TNIK: variants seen among roughly 807,000 people sequenced by gnomAD.
The protein encoded by TNIK is TRAF2 and NCK interacting kinase, also known as TRAF2 and NCK-interacting protein kinase.
In TNIK, 49 loss-of-function variants were observed where a neutral mutation model predicts 191.3. That is an observed-to-expected ratio of 0.26 (90% CI 0.20 to 0.32). The LOEUF is 0.32. Ranked by LOEUF, TNIK falls within the 10% of genes least tolerant of loss-of-function variation. The pLI is 1.00. For synonymous variants in TNIK, 594 were observed against 600.9 expected, an observed-to-expected ratio of 0.99 and a Z score of 0.17; for missense variants, 1,155 against 1,702.3, an observed-to-expected ratio of 0.68 and a Z score of 5.66.
rs1288395166 is a variant in TNIK at position 171,156,490 on chromosome 3, A to G, written c.1221+970T>C. Among the ~76,000 whole-genome samples the G allele has an allele frequency of 4.6e-5, 7 of 152,182 alleles. No individual in the cohort carries two copies. The East Asian group carries it at 1.3e-3, about 29-fold the overall frequency. On this transcript the variant is annotated intron_variant, in intron 12 of 32. Coordinates refer to ENST00000436636, the MANE Select transcript of TNIK (RefSeq NM_015028.4). Reference sequence around the variant, plus strand: ...GGGAAACCTGTAAAATTACTATCCCATTACCGTGCAGTTAGTGCGCCTTTC... The same window carrying G: ...GGGAAACCTGTAAAATTACTATCCCGTTACCGTGCAGTTAGTGCGCCTTTC...
chr3:171,410,915 A>C (rs1343051376), intron 1 of TNIK, among the ~76,000 whole-genome samples: 1 of 152,128 alleles, frequency 6.6e-6, no homozygotes, highest in Non-Finnish European at 1.5e-5. Flanking sequence ...CCACTTCTCA[A>C]CAGGAGAATT....
intron 2 of TNIK, among the ~76,000 whole-genome samples, chr3:171,345,686 G>T (rs1168509869): frequency 6.6e-6 from 1 of 152,142 alleles, no homozygotes; most frequent in Admixed American, 6.5e-5. Context: ...TTGGTGAAGG[G>T]CAAGAAGAGG....
intron 1 of TNIK, among the ~76,000 whole-genome samples, chr3:171,375,688 A>G (rs1717115357): frequency 6.6e-6 from 1 of 152,224 alleles, no homozygotes. Context: ...AGAACACTAA[A>G]TAACACCACT....
intron 32 of TNIK, 118 bp downstream of exon 32, chr3:171,066,069 A>G: frequency 7.6e-7 from 1 of 1,323,738 alleles, no homozygotes; most frequent in East Asian, 2.3e-5. Flanking sequence ...TTTCAAGATA[A>G]TATTGATTGT....
intron 2 of TNIK, among the ~76,000 whole-genome samples, chr3:171,346,461 T>A (rs1712209256): frequency 6.6e-6 from 1 of 152,174 alleles, no homozygotes; most frequent in African/African-American, 2.4e-5. Context: ...ATTCTTTAAA[T>A]TATTGAGCAG....
At chr3:171,215,594 A>G (rs1270362909) in intron 3 of TNIK, among the ~76,000 whole-genome samples, 1 of 152,196 alleles carries the variant, frequency 6.6e-6, no homozygotes, top group Non-Finnish European at 1.5e-5. Context: ...GGTGTCCAAA[A>G]CCAAAGTCGT....
At chr3:171,316,157 G>A (rs1045225925) in intron 2 of TNIK, among the ~76,000 whole-genome samples, 2 of 152,070 alleles carry the variant, frequency 1.3e-5, no homozygotes, top group African/African-American at 4.8e-5. Flanking sequence ...AAGACTGTAA[G>A]CTCCCAGAGC....
intron 3 of TNIK, among the ~76,000 whole-genome samples, chr3:171,221,567 C>T (rs1210005263): frequency 1.3e-5 from 2 of 152,126 alleles, no homozygotes; most frequent in East Asian, 3.9e-4. Flanking sequence ...TGCTAAATGT[C>T]TTGTACTAAA....
chr3:171,275,214 CA>C (rs1165298254), intron 2 of TNIK, among the ~76,000 whole-genome samples: 3 of 152,168 alleles, frequency 2.0e-5, no homozygotes, highest in Non-Finnish European at 4.4e-5. Context: ...CCAACTCATT[CA>C]AATATCATAA....
chr3:171,283,113 G>A (rs1750650780), intron 2 of TNIK, among the ~76,000 whole-genome samples: 1 of 150,408 alleles, frequency 6.6e-6, no homozygotes, highest in Non-Finnish European at 1.5e-5. Flanking sequence ...ATTTTCCACA[G>A]TTTCTTGTCA....
chr3:171,369,268 T>C (rs1300710399), intron 2 of TNIK, among the ~76,000 whole-genome samples: 5 of 152,198 alleles, frequency 3.3e-5, no homozygotes, highest in African/African-American at 7.2e-5. Context: ...AATAGTTTAA[T>C]AGCTTAAATT....
chr3:171,074,398 T>C (rs1719624148), intron 28 of TNIK, among the ~76,000 whole-genome samples: 1 of 152,106 alleles, frequency 6.6e-6, no homozygotes, highest in African/African-American at 2.4e-5. Flanking sequence ...AATTTACCTG[T>C]TGCGTATAAT....
chr3:171,241,506 C>A (rs573120221), intron 2 of TNIK, among the ~76,000 whole-genome samples: 17 of 152,226 alleles, frequency 1.1e-4, no homozygotes, highest in Admixed American at 1.1e-3. Context: ...TTTTAAAATT[C>A]TATTTAAATT....
chr3:171,376,234 T>A (rs1489319733), intron 1 of TNIK, among the ~76,000 whole-genome samples: 2 of 152,154 alleles, frequency 1.3e-5, no homozygotes, highest in Admixed American at 1.3e-4. Flanking sequence ...CAACATCATC[T>A]TCGAAAGTAC....
chr3:171,139,118 G>A (rs113856378), intron 14 of TNIK, among the ~76,000 whole-genome samples: 8 of 152,166 alleles, frequency 5.3e-5, no homozygotes, highest in African/African-American at 1.7e-4. Context: ...CCAGCATGTC[G>A]CAAATGGCCT....
chr3:171,303,814 GTGT>G (rs889358960), intron 2 of TNIK, among the ~76,000 whole-genome samples: 9 of 152,168 alleles, frequency 5.9e-5, no homozygotes, highest in African/African-American at 2.2e-4. Context: ...TTTTCTGGTG[GTGT>G]TAAGAAAAAT....
At chr3:171,253,356 C>T (rs555042011) in intron 2 of TNIK, among the ~76,000 whole-genome samples, 30 of 152,098 alleles carry the variant, frequency 2.0e-4, no homozygotes, top group African/African-American at 6.5e-4. Flanking sequence ...CTCTTGCAGC[C>T]TCAGTGAGGT....
intron 2 of TNIK, among the ~76,000 whole-genome samples, chr3:171,351,271 A>ATGTGTGTGTGTGTGTGTGTGTG (rs1335605618): frequency 2.1e-4 from 32 of 150,250 alleles, no homozygotes; most frequent in African/African-American, 7.1e-4. Context: ...ATATGTATAT[A>ATGTGTGTGTGTGTGTGTGTGTG]TGTGTGTGTG....
chr3:171,240,632 A>T (rs758025955), intron 2 of TNIK, among the ~76,000 whole-genome samples: 4 of 151,984 alleles, frequency 2.6e-5, no homozygotes, highest in Non-Finnish European at 5.9e-5. Flanking sequence ...TGGGGACTTT[A>T]CATGTCTCTT....
Sources: allele counts gnomAD v4.1 joint callset (sites outside exome capture counted in the v4.1 genomes callset), GRCh38; gene constraint gnomAD v4.1.1; transcripts MANE v1.5; gene names NCBI Gene and HGNC (gene_info 2026-07-23, HGNC 2026-07-21).